The following MROH1 variants were observed in gnomAD, a reference collection of about 807,000 sequenced individuals.
MROH1 encodes the protein maestro heat like repeat family member 1, also known as maestro heat-like repeat-containing protein family member 1.
In MROH1, 117 loss-of-function variants were observed where a neutral mutation model predicts 116.5. The ratio of observed to expected loss-of-function variants is 1.00; its 90% CI spans 0.86 to 1.17. The LOEUF (loss-of-function observed/expected upper bound fraction) is 1.17. Among genes scored for constraint, MROH1 ranks in the 50% most tolerant of loss-of-function variants. MROH1 has a pLI of 0.00. For missense variants in MROH1, 1,873 were observed against 1,338.5 expected, an observed-to-expected ratio of 1.40 and a Z score of -6.23; for synonymous variants, 921 against 583.9, an observed-to-expected ratio of 1.58 and a Z score of -8.32.
chr8:144,173,668 C>A (rs1564392972), intron 4 of MROH1, among the ~76,000 whole-genome samples: 1 of 152,134 alleles, frequency 6.6e-6, no homozygotes, highest in South Asian at 2.1e-4. Context: ...CCTGATCCAC[C>A]CACCTCGGCC....
chr8:144,161,188 A>T (rs1308025924), intron 2 of MROH1, 99 bp downstream of exon 2: 1 of 152,114 alleles, frequency 6.6e-6, no homozygotes, highest in African/African-American at 2.4e-5. Context: ...GACTCATGTG[A>T]TTAGTTTGGT....
At chr8:144,197,006 A>T (rs891486493) in intron 10 of MROH1, among the ~76,000 whole-genome samples, 5 of 152,062 alleles carry the variant, frequency 3.3e-5, no homozygotes, top group Non-Finnish European at 5.9e-5. Flanking sequence ...GAGGCAGGAG[A>T]ATCACTTGAA....
At chr8:144,231,349 C>T (rs186015654) in intron 14 of MROH1, among the ~76,000 whole-genome samples, 1,542 of 152,142 alleles carry the variant, frequency 0.01, 22 homozygotes, top group African/African-American at 0.035. Context: ...GGGTGGTGGC[C>T]GGGCAGAGGG....
rs151289677 is a variant in MROH1 at position 144,166,917 on chromosome 8, C to T, written c.23-1378C>T. 4.1e-4 allele frequency among the ~76,000 whole-genome samples: 62 copies of T among 152,312 alleles called. No individual in the cohort carries two copies. The East Asian group carries it at 0.012, about 29-fold the overall frequency. Reference sequence around the variant, plus strand: ...TACTGGCTGAATGTGGCCTTAGGTACAGTCAGATCTCATTGATTTGGATCA... The same window carrying T: ...TACTGGCTGAATGTGGCCTTAGGTATAGTCAGATCTCATTGATTTGGATCA... On this transcript the variant is annotated intron_variant, in intron 3 of 43. Coordinates refer to ENST00000326134, the MANE Select transcript of MROH1 (RefSeq NM_032450.3).
At chr8:144,220,562 T>C (rs1439197378) in intron 12 of MROH1, 38 bp from the exon 13 acceptor site, 2 of 1,548,118 alleles carry the variant, frequency 1.3e-6, no homozygotes, top group Non-Finnish European at 1.7e-6. Context: ...GGTCCTCATC[T>C]CAGTGGTAGG....
In MROH1 at chr8:144,243,554, A is replaced by G; in HGVS notation, c.2413A>G (p.Ser805Gly). The change falls in exon 25 of 44, where the codon AGC becomes GGC. Residue 805 changes from serine to glycine, a missense_variant. Coordinates refer to ENST00000326134, the MANE Select transcript of MROH1 (RefSeq NM_032450.3). ...GTGCATGGTCAGCCGCGCCATCTGC[A>G]GCAGCACCCAGGCTGGCTCCTTCCA... is the stretch of plus-strand genomic sequence containing the variant. ...SVCMVSRAIC[S>G]STQAGSFHFT... 2 of 780,260 alleles carry G rather than the reference A, an allele frequency of 2.6e-6. No individual in the cohort carries two copies. Among genetic ancestry groups the G allele is most frequent in the South Asian group, 2.7e-5 (2 of 74,616 alleles). 48.3% of individuals were successfully genotyped at this position (780,260 alleles called of 1,614,324 possible). A position where few individuals can be genotyped will look rare whatever the true frequency, so the allele number is the denominator to read the frequency against.
intron 12 of MROH1, among the ~76,000 whole-genome samples, chr8:144,219,382 TC>T (rs1836229751): frequency 6.6e-6 from 1 of 152,148 alleles, no homozygotes; most frequent in Non-Finnish European, 1.5e-5. Context: ...GGTCTTGAAC[TC>T]CTGGGCTCAA....
At chr8:144,162,363 A>G (rs1333558762) in intron 2 of MROH1, among the ~76,000 whole-genome samples, 1 of 150,424 alleles carries the variant, frequency 6.6e-6, no homozygotes, top group Non-Finnish European at 1.5e-5. Flanking sequence ...CTGGGATTAC[A>G]GATATGAGCC....
At chr8:144,242,073 C>T in intron 22 of MROH1, 1 of 528,792 alleles carries the variant, frequency 1.9e-6, no homozygotes, top group South Asian at 2.0e-5. Context: ...CTGACTCTCT[C>T]ACGTGGCTGT....
chr8:144,239,556 T>C (rs1840623587), intron 17 of MROH1, 58 bp from the exon 18 acceptor site: 2 of 764,576 alleles, frequency 2.6e-6, no homozygotes, highest in African/African-American at 3.4e-5. Flanking sequence ...CAGGTGCAGG[T>C]TGTGGGCATG....
intron 11 of MROH1, among the ~76,000 whole-genome samples, chr8:144,199,481 G>GC (rs1385354476): frequency 2.6e-5 from 4 of 152,036 alleles, no homozygotes; most frequent in Non-Finnish European, 4.4e-5. Flanking sequence ...TTCCCTACCT[G>GC]CCCCCCGCCT....
Position 144,180,700 on chromosome 8 carries a change from A to G in MROH1, c.562+177A>G, listed in dbSNP as rs1298457395. 2.0e-5 allele frequency among the ~76,000 whole-genome samples: 3 copies of G among 152,014 alleles called. No homozygotes were observed. Among genetic ancestry groups the G allele is most frequent in the Admixed American group, 2.0e-4 (3 of 15,280 alleles). Reference sequence around the variant, plus strand: ...TGGTTGGGGGGCCCATGTGGGGCTGACACAGCCTCTGTCTCTTGTTTCTCT... The same window carrying G: ...TGGTTGGGGGGCCCATGTGGGGCTGGCACAGCCTCTGTCTCTTGTTTCTCT... On this transcript the variant is annotated intron_variant, in intron 7 of 43. Coordinates refer to ENST00000326134, the MANE Select transcript of MROH1 (RefSeq NM_032450.3). The surrounding 1 kb of genome is among the most constrained non-coding windows in gnomAD (Gnocchi z 7.4).
intron 4 of MROH1, chr8:144,175,240 GC>G: frequency 1.2e-6 from 1 of 860,462 alleles, no homozygotes; most frequent in Non-Finnish European, 1.4e-6. Context: ...CCTCCCAGCA[GC>G]GGGTCCGGTC....
chr8:144,238,667 CAG>C, intron 14 of MROH1, 87 bp from the exon 15 acceptor site: 1 of 723,382 alleles, frequency 1.4e-6, no homozygotes, highest in South Asian at 1.4e-5. Context: ...CGGCGAGGCT[CAG>C]GGTCTGCCCC....
intron 22 of MROH1, among the ~76,000 whole-genome samples, chr8:144,241,959 G>A (rs906090699): frequency 5.9e-5 from 9 of 152,358 alleles, no homozygotes; most frequent in Admixed American, 3.3e-4. Context: ...AGCATCTCAG[G>A]GCTGGACCAA....
In MROH1 at chr8:144,225,270, A is replaced by G. The variant is rs559190932; in HGVS notation, c.1338+2040A>G. Among the ~76,000 whole-genome samples, 129 of 152,294 alleles carry G rather than the reference A, an allele frequency of 8.5e-4. 1 individual carries two copies. In the South Asian group the frequency reaches 0.026, roughly 31 times the overall value. On this transcript the variant is annotated intron_variant, in intron 14 of 43. Coordinates refer to ENST00000326134, the MANE Select transcript of MROH1 (RefSeq NM_032450.3). ...TTATAGAATTTTGAGAGATCTTTCT[A>G]TATTCTGGGCACAAGTCCTTTGTTG...
At chr8:144,189,545 C>T (rs1277822246) in intron 7 of MROH1, among the ~76,000 whole-genome samples, 1 of 152,208 alleles carries the variant, frequency 6.6e-6, no homozygotes, top group African/African-American at 2.4e-5. Context: ...GGGTGGCCAC[C>T]TGCCCAGCCT....
In MROH1 at chr8:144,168,395, G is replaced by T; in HGVS notation, c.123G>T (p.Val41=). 1 of 1,611,660 alleles carries T rather than the reference G, an allele frequency of 6.2e-7. No individual in the cohort carries two copies. ...GCTCCCTCGGGGAGGCGCGGCCGGT[G>T]GAGACGCTCCGTGCCTGCGAGGAGT... ...ALCSLGEARP[V]ETLRACEEYL... The change falls in exon 4 of 44, where the codon GTG becomes GTT. Residue 41 remains valine (V), a synonymous_variant. Coordinates refer to ENST00000326134, the MANE Select transcript of MROH1 (RefSeq NM_032450.3).
At chr8:144,239,242 C>A (rs1752642195) in intron 16 of MROH1, 63 bp downstream of exon 16, 17 of 767,910 alleles carry the variant, frequency 2.2e-5, no homozygotes, top group South Asian at 2.2e-4. Context: ...CCTGCCCCCA[C>A]TTCCCCATCC....
Sources: allele counts gnomAD v4.1 joint callset (sites outside exome capture counted in the v4.1 genomes callset), GRCh38; gene constraint gnomAD v4.1.1; non-coding constraint Gnocchi (gnomAD v3.1); transcripts MANE v1.5; gene names NCBI Gene and HGNC (gene_info 2026-07-23, HGNC 2026-07-21).